The following ACOXL variants were observed in gnomAD, a reference collection of about 807,000 sequenced individuals.
ACOXL encodes the protein acyl-CoA oxidase like, also known as acyl-coenzyme A oxidase-like protein.
A neutral mutation model predicts 71.9 loss-of-function variants in ACOXL; 70 were observed. That is an observed-to-expected ratio of 0.97 (90% CI 0.80 to 1.19). The LOEUF (loss-of-function observed/expected upper bound fraction) is 1.19. ACOXL is among the 50% of genes most tolerant of loss of function. The pLI, the probability that ACOXL is intolerant of heterozygous loss-of-function variation, is 0.00. For synonymous variants in ACOXL, 253 were observed against 281.6 expected (o/e 0.90, Z 1.02); for missense variants, 703 against 736.3 (o/e 0.95, Z 0.52).
chr2:111,055,033 A>G (rs1316693468), intron 16 of ACOXL, among the ~76,000 whole-genome samples: 2 of 152,170 alleles, frequency 1.3e-5, no homozygotes, highest in Non-Finnish European at 2.9e-5. Context: ...TTAAATTGTC[A>G]TTGTCATAAA....
chr2:110,932,692 C>T (rs1486099507), intron 11 of ACOXL, among the ~76,000 whole-genome samples: 1 of 152,172 alleles, frequency 6.6e-6, no homozygotes, highest in Non-Finnish European at 1.5e-5. Context: ...GGAACCTGAT[C>T]CTATGTGTGT....
At chr2:111,090,032 G>A (rs1184618965) in intron 16 of ACOXL, among the ~76,000 whole-genome samples, 3 of 152,210 alleles carry the variant, frequency 2.0e-5, no homozygotes, top group East Asian at 3.9e-4. Flanking sequence ...AAGTGGAGAT[G>A]TGAAAAATAT....
At chr2:110,941,990 G>T (rs1241541777) in intron 12 of ACOXL, among the ~76,000 whole-genome samples, 1 of 152,104 alleles carries the variant, frequency 6.6e-6, no homozygotes, top group Non-Finnish European at 1.5e-5. Context: ...GTAGTGTGAG[G>T]TTTATAACAT....
At chr2:110,751,812 CTTATTAT>C (rs1679002894) in intron 1 of ACOXL, among the ~76,000 whole-genome samples, 1 of 152,128 alleles carries the variant, frequency 6.6e-6, no homozygotes, top group Admixed American at 6.5e-5. Context: ...TGTTTTAGAA[CTTATTAT>C]CAGAATCACA....
chr2:110,744,207 G>A (rs1259476567), intron 1 of ACOXL, among the ~76,000 whole-genome samples: 1 of 151,810 alleles, frequency 6.6e-6, no homozygotes, highest in Admixed American at 6.6e-5. Context: ...TAAAACTCTT[G>A]CTTGTAAAAG....
intron 10 of ACOXL, among the ~76,000 whole-genome samples, chr2:110,879,106 A>G (rs1696302534): frequency 6.6e-6 from 1 of 152,106 alleles, no homozygotes; most frequent in Non-Finnish European, 1.5e-5. Context: ...TAGGAAATGC[A>G]GATAAATAAG....
At chr2:111,044,528 C>T (rs3789071) in intron 15 of ACOXL, among the ~76,000 whole-genome samples, 48,596 of 152,030 alleles carry the variant, frequency 0.32, 7,955 homozygotes, top group Middle Eastern at 0.35. Context: ...CATTCTGAGA[C>T]GGGATTTCTG....
intron 12 of ACOXL, among the ~76,000 whole-genome samples, chr2:110,965,102 T>G (rs2061869710): frequency 6.6e-6 from 1 of 152,210 alleles, no homozygotes; most frequent in Non-Finnish European, 1.5e-5. Flanking sequence ...CCTGACTTAT[T>G]TCACTTAACA....
intron 1 of ACOXL, among the ~76,000 whole-genome samples, chr2:110,764,705 G>A (rs1007689318): frequency 2.6e-5 from 4 of 152,168 alleles, no homozygotes; most frequent in Non-Finnish European, 4.4e-5. Flanking sequence ...TACCACTCTG[G>A]TGGGGGATTT....
chr2:110,999,538 C>T (rs2063532731), intron 14 of ACOXL, among the ~76,000 whole-genome samples: 1 of 152,200 alleles, frequency 6.6e-6, no homozygotes, highest in African/African-American at 2.4e-5. Context: ...CCCCAAGAAT[C>T]CCACCTCCTG....
At position 110,741,361 on chromosome 2, in the gene ACOXL, C is replaced by G. The variant is rs1385418506; in HGVS notation, c.-23+8587C>G. Among the ~76,000 whole-genome samples, 4 of 152,266 alleles carry G rather than the reference C, an allele frequency of 2.6e-5. No homozygotes were observed. In the South Asian group the frequency reaches 8.3e-4, roughly 32 times the overall value. ...GCAAGGGAGAATCTGCTGCAGGCCT[C>G]TCTCCTTGGCTTGTTGGTGGCTGTC... is the stretch of plus-strand genomic sequence containing the variant. On this transcript the variant is annotated intron_variant, in intron 1 of 17. Transcript: ENST00000439055.
intron 2 of ACOXL, among the ~76,000 whole-genome samples, chr2:110,772,715 T>C (rs1237040342): frequency 6.6e-6 from 1 of 152,208 alleles, no homozygotes; most frequent in East Asian, 1.9e-4. Context: ...CATCGTTATC[T>C]AAACCAGTGG....
At chr2:110,970,382 C>G (rs189101509) in intron 12 of ACOXL, among the ~76,000 whole-genome samples, 8 of 152,078 alleles carry the variant, frequency 5.3e-5, no homozygotes, top group Admixed American at 5.2e-4. Context: ...AGACTAAAGG[C>G]GAAAAAGTCA....
chr2:110,928,204 C>G (rs1207621598), intron 11 of ACOXL, among the ~76,000 whole-genome samples: 1 of 152,200 alleles, frequency 6.6e-6, no homozygotes, highest in East Asian at 1.9e-4. Flanking sequence ...AAGAAAATAG[C>G]TAACACACAT....
intron 14 of ACOXL, among the ~76,000 whole-genome samples, chr2:111,021,076 C>T (rs1468075735): frequency 6.6e-6 from 1 of 152,188 alleles, no homozygotes; most frequent in South Asian, 2.1e-4. Flanking sequence ...ACTATTTCAC[C>T]TGCTCCACCT....
chr2:110,864,453 A>AT (rs995307270), intron 10 of ACOXL, among the ~76,000 whole-genome samples: 3 of 152,154 alleles, frequency 2.0e-5, no homozygotes, highest in African/African-American at 7.2e-5. Flanking sequence ...AAACTCAACC[A>AT]TCCAGTGATC....
At chr2:110,881,810 T>G (rs1210895215) in intron 10 of ACOXL, among the ~76,000 whole-genome samples, 1 of 152,242 alleles carries the variant, frequency 6.6e-6, no homozygotes, top group East Asian at 1.9e-4. Context: ...TATCAGTAGT[T>G]AATTCCTTTT....
At chr2:111,020,443 A>ATTC in intron 14 of ACOXL, among the ~76,000 whole-genome samples, 1 of 152,314 alleles carries the variant, frequency 6.6e-6, no homozygotes, top group Non-Finnish European at 1.5e-5. Flanking sequence ...GGTGTCTTAC[A>ATTC]TTCTTGAAAC....
chr2:110,920,692 A>G (rs1293235855), intron 11 of ACOXL, among the ~76,000 whole-genome samples: 1 of 151,774 alleles, frequency 6.6e-6, no homozygotes, highest in Non-Finnish European at 1.5e-5. Flanking sequence ...CTTTGCTTAT[A>G]TATTTTAGAA....
Sources: gnomAD v4.1 joint callset for allele counts (sites outside exome capture counted in the v4.1 genomes callset) on GRCh38, gnomAD v4.1.1 for gene constraint, MANE v1.5 for transcripts, NCBI Gene and HGNC (gene_info 2026-07-23, HGNC 2026-07-21) for gene names.